MYO5B: variants seen among roughly 807,000 people sequenced by gnomAD.
MYO5B encodes the protein myosin VB.
A neutral mutation model predicts 229.3 loss-of-function variants in MYO5B; 143 were observed. The observed-to-expected ratio is 0.62, with a 90% CI of 0.54 to 0.72. The LOEUF (loss-of-function observed/expected upper bound fraction) is 0.72. Ranked by LOEUF, MYO5B falls within the 30% of genes least tolerant of loss-of-function variation. The pLI, the probability that MYO5B is intolerant of heterozygous loss-of-function variation, is 0.00. For missense variants in MYO5B, 2,321 were observed against 2,331.0 expected (o/e 1.00, Z 0.09); for synonymous variants, 918 against 885.2 (o/e 1.04, Z -0.66).
intron 2 of MYO5B, among the ~76,000 whole-genome samples, chr18:50,043,072 C>A (rs1336411695): frequency 6.6e-6 from 1 of 151,134 alleles, no homozygotes; most frequent in Non-Finnish European, 1.5e-5. Flanking sequence ...TCTAGCAAAC[C>A]CACTATTGTG....
intron 1 of MYO5B, among the ~76,000 whole-genome samples, chr18:50,164,460 C>T (rs1314669419): frequency 1.3e-5 from 2 of 152,198 alleles, no homozygotes; most frequent in Non-Finnish European, 2.9e-5. Flanking sequence ...ACCATCCCCC[C>T]ACTTTACAGA....
intron 2 of MYO5B, among the ~76,000 whole-genome samples, chr18:50,045,172 C>T (rs2144400452): frequency 6.6e-6 from 1 of 152,006 alleles, no homozygotes; most frequent in African/African-American, 2.4e-5. Flanking sequence ...TGACATGTAC[C>T]CTGGAATATT....
At position 49,964,313 on chromosome 18, in the gene MYO5B, C is replaced by G. The variant is rs1290619737; in HGVS notation, c.1323-1283G>C. Reference sequence around the variant, plus strand: ...CATCTTTATTGAGTTAGCCTTTACACACAGTAAAATACACCAATTTTAAGT... The same window carrying G: ...CATCTTTATTGAGTTAGCCTTTACAGACAGTAAAATACACCAATTTTAAGT... On this transcript the variant is annotated intron_variant, in intron 10 of 39. Transcript: ENST00000285039. Among the ~76,000 whole-genome samples, 4 of 152,284 alleles carry G rather than the reference C, an allele frequency of 2.6e-5. No individual in the cohort carries two copies. The East Asian group carries it at 7.7e-4, about 29-fold the overall frequency.
At chr18:50,078,035 T>C (rs1289215529) in intron 1 of MYO5B, among the ~76,000 whole-genome samples, 1 of 152,250 alleles carries the variant, frequency 6.6e-6, no homozygotes, top group Non-Finnish European at 1.5e-5. Flanking sequence ...GGAATCAAGA[T>C]GACAACACAG....
intron 21 of MYO5B, 53 bp downstream of exon 21, chr18:49,902,541 A>G (rs2024853236): frequency 6.2e-7 from 1 of 1,601,188 alleles, no homozygotes; most frequent in Non-Finnish European, 8.5e-7. Flanking sequence ...CTCTCTCAAA[A>G]TGCTCCAGTA....
intron 1 of MYO5B, among the ~76,000 whole-genome samples, chr18:50,073,092 T>C (rs1459744694): frequency 6.6e-6 from 1 of 152,218 alleles, no homozygotes; most frequent in Non-Finnish European, 1.5e-5. Context: ...AGAAGTTGAC[T>C]GAGTAGTTTA....
At chr18:50,099,587 C>T (rs1363176198) in intron 1 of MYO5B, among the ~76,000 whole-genome samples, 1 of 152,156 alleles carries the variant, frequency 6.6e-6, no homozygotes, top group Admixed American at 6.5e-5. Context: ...CAGGCCACCA[C>T]AGAACACAAG....
chr18:50,010,974 T>C (rs747326591), intron 4 of MYO5B, among the ~76,000 whole-genome samples: 4 of 152,344 alleles, frequency 2.6e-5, no homozygotes, highest in Non-Finnish European at 4.4e-5. Flanking sequence ...CTCTTTGGCA[T>C]GCCACCAGTA....
chr18:49,849,973 C>T (rs1568609229), intron 31 of MYO5B: 2 of 412,858 alleles, frequency 4.8e-6, no homozygotes, highest in Admixed American at 7.1e-5. Context: ...TGCCAACCCC[C>T]CAGGAGACAC....
intron 1 of MYO5B, among the ~76,000 whole-genome samples, chr18:50,120,025 G>A (rs940028802): frequency 6.6e-5 from 10 of 152,062 alleles, no homozygotes; most frequent in East Asian, 1.9e-4. Context: ...TAGCACATAC[G>A]GCACTAAAAA....
chr18:50,052,903 C>G (rs1481450292), intron 2 of MYO5B, among the ~76,000 whole-genome samples: 2 of 152,136 alleles, frequency 1.3e-5, no homozygotes, highest in East Asian at 3.9e-4. Context: ...ATATCATTGT[C>G]TTCCTGGAAG....
chr18:49,930,910 GA>G (rs142246102), intron 16 of MYO5B, among the ~76,000 whole-genome samples: 11 of 146,222 alleles, frequency 7.5e-5, no homozygotes, highest in African/African-American at 1.8e-4. Context: ...ACACTAGTAA[GA>G]AAAAAAAAAG....
intron 1 of MYO5B, among the ~76,000 whole-genome samples, chr18:50,190,697 A>C (rs957989412): frequency 6.6e-6 from 1 of 152,244 alleles, no homozygotes; most frequent in Non-Finnish European, 1.5e-5. Flanking sequence ...GAACACATTT[A>C]ATTGGATGGA....
chr18:49,985,522 A>C (rs1355357741), intron 7 of MYO5B, among the ~76,000 whole-genome samples: 1 of 152,226 alleles, frequency 6.6e-6, no homozygotes, highest in Non-Finnish European at 1.5e-5. Flanking sequence ...AGAGGACGGC[A>C]GAATTAGTGC....
chr18:49,858,368 C>G (rs752256306), intron 29 of MYO5B, among the ~76,000 whole-genome samples: 4 of 152,234 alleles, frequency 2.6e-5, no homozygotes, highest in African/African-American at 9.6e-5. Context: ...TGGGGAGGGC[C>G]GGAAGTAGAG....
intron 3 of MYO5B, among the ~76,000 whole-genome samples, chr18:50,039,936 G>C (rs1213422884): frequency 6.6e-6 from 1 of 152,144 alleles, no homozygotes; most frequent in African/African-American, 2.4e-5. Context: ...TTCCCTGGTT[G>C]ATCCATGATT....
intron 1 of MYO5B, among the ~76,000 whole-genome samples, chr18:50,073,629 CT>C (rs1402481203): frequency 6.6e-6 from 1 of 152,138 alleles, no homozygotes; most frequent in Non-Finnish European, 1.5e-5. Flanking sequence ...TGAGCCCCCA[CT>C]TTCCCACTGA....
chr18:49,876,216 T>G, intron 25 of MYO5B: 1 of 333,304 alleles, frequency 3.0e-6, no homozygotes, highest in South Asian at 2.6e-5. Context: ...CACTTCCTGA[T>G]GAGGAATCAA....
intron 1 of MYO5B, among the ~76,000 whole-genome samples, chr18:50,113,363 C>A (rs530921607): frequency 1.1e-4 from 16 of 152,296 alleles, no homozygotes; most frequent in Non-Finnish European, 1.9e-4. Flanking sequence ...GTGATGCTGT[C>A]GTGATCATTT....
Sources: gnomAD v4.1 joint callset for allele counts (sites outside exome capture counted in the v4.1 genomes callset) on GRCh38, gnomAD v4.1.1 for gene constraint, MANE v1.5 for transcripts, NCBI Gene and HGNC (gene_info 2026-07-23, HGNC 2026-07-21) for gene names.